MARCHF1: variants seen among roughly 807,000 people sequenced by gnomAD.
MARCHF1 encodes E3 ubiquitin-protein ligase MARCHF1.
Under a neutral mutation model 54.2 loss-of-function variants are expected in MARCHF1, and 40 were observed. The ratio of observed to expected loss-of-function variants is 0.74; its 90% CI spans 0.57 to 0.96. The LOEUF (loss-of-function observed/expected upper bound fraction) is 0.96, where lower values mean the gene tolerates loss of function less well. Among genes scored for constraint, MARCHF1 ranks in the 40% least tolerant of loss-of-function variants. The pLI is 0.00. For missense variants in MARCHF1, 586 were observed against 656.5 expected, an observed-to-expected ratio of 0.89 and a Z score of 1.17; for synonymous variants, 236 against 236.3, an observed-to-expected ratio of 1.00 and a Z score of 0.01.
intron 2 of MARCHF1, among the ~76,000 whole-genome samples, chr4:164,008,320 C>A (rs895803387): frequency 6.6e-6 from 1 of 151,972 alleles, no homozygotes; most frequent in African/African-American, 2.4e-5. Flanking sequence ...CACCAAAGGT[C>A]ACAAGTATGT....
chr4:164,348,381 A>G (rs1730175347), intron 1 of MARCHF1, among the ~76,000 whole-genome samples: 1 of 152,306 alleles, frequency 6.6e-6, no homozygotes, highest in Non-Finnish European at 1.5e-5. Context: ...TATGAACACA[A>G]TTCTTTCACT....
intron 1 of MARCHF1, among the ~76,000 whole-genome samples, chr4:164,266,499 T>C (rs573126595): frequency 7.2e-5 from 11 of 152,372 alleles, no homozygotes; most frequent in Admixed American, 6.5e-4. Context: ...TGTTTGCCTA[T>C]GGTCTCTGAG....
intron 5 of MARCHF1, among the ~76,000 whole-genome samples, chr4:163,631,363 CTT>C (rs2110992610): frequency 6.6e-6 from 1 of 152,052 alleles, no homozygotes; most frequent in Admixed American, 6.6e-5. Flanking sequence ...CAGCTAACGT[CTT>C]TATTTTTAGT....
At chr4:164,211,344 T>TATAC (rs1731766713) in intron 1 of MARCHF1, among the ~76,000 whole-genome samples, 1 of 117,864 alleles carries the variant, frequency 8.5e-6, no homozygotes. Flanking sequence ...TATATATATA[T>TATAC]ATATATATAT....
At chr4:163,769,621 T>C (rs1423532344) in intron 4 of MARCHF1, among the ~76,000 whole-genome samples, 1 of 152,194 alleles carries the variant, frequency 6.6e-6, no homozygotes, top group African/African-American at 2.4e-5. Context: ...CTGACGACTA[T>C]GAAAGTGAAT....
At chr4:163,815,355 G>C (rs926097947) in intron 4 of MARCHF1, among the ~76,000 whole-genome samples, 2 of 152,144 alleles carry the variant, frequency 1.3e-5, no homozygotes, top group African/African-American at 4.8e-5. Context: ...AAAGCTATGT[G>C]CTACATTTTC....
intron 5 of MARCHF1, among the ~76,000 whole-genome samples, chr4:163,685,146 C>G (rs1744226556): frequency 6.6e-6 from 1 of 152,078 alleles, no homozygotes; most frequent in African/African-American, 2.4e-5. Flanking sequence ...GTCCTCAACT[C>G]CCTTCATTAA....
rs369847055 is a variant in MARCHF1, at chr4:163,613,377, G to C, written c.179C>G (p.Thr60Arg). 4 of 1,613,214 alleles carry C rather than the reference G, an allele frequency of 2.5e-6. No individual in the cohort carries two copies. In the African/African-American group the frequency reaches 4.0e-5, roughly 16 times the overall value. Residue 60 changes from threonine (T) to arginine (R), a missense_variant, in exon 6 of 10, where the codon ACA (threonine) becomes AGA (arginine). Around this residue, in one of 3 missense-constraint regions of MARCHF1, gnomAD observed 387 missense variants for 394.6 expected, o/e 0.98. Transcript: ENST00000514618. ...TGACTGGCTCCTGGGAGCTGTCCCT[G>C]TTGTTGGGCTGCTTGCCTGGAGAAA... ...SNISKASSPT[T>R]GTAPRSQSRL...
chr4:163,610,412 T>C (rs1741297148), intron 7 of MARCHF1, among the ~76,000 whole-genome samples: 1 of 152,098 alleles, frequency 6.6e-6, no homozygotes, highest in African/African-American at 2.4e-5. Flanking sequence ...AAGTCTAAAT[T>C]AAATATCCTG....
intron 2 of MARCHF1, among the ~76,000 whole-genome samples, chr4:164,037,768 T>C (rs538958053): frequency 1.3e-5 from 2 of 152,330 alleles, no homozygotes; most frequent in South Asian, 2.1e-4. Flanking sequence ...AACAGTGATA[T>C]GTCATGTTGA....
intron 1 of MARCHF1, among the ~76,000 whole-genome samples, chr4:164,284,858 C>G (rs963985627): frequency 1.3e-5 from 2 of 151,078 alleles, no homozygotes; most frequent in Admixed American, 1.3e-4. Flanking sequence ...AAATTAGATA[C>G]AAAATAACCC....
At chr4:164,189,232 C>A in intron 1 of MARCHF1, 1 of 566,886 alleles carries the variant, frequency 1.8e-6, no homozygotes. Context: ...TAGGGCTGTG[C>A]AGAAACTCCA....
chr4:164,199,675 CACACACAGAGAGAGAGAG>C lies in MARCHF1; in HGVS notation c.-322-88031_-322-88014del, dbSNP rs1244178576. ...ACACACACACACACACACACACACA[CACACACAGAGAGAGAGAG>C]AGAGAGAGAGAGAGAGAGAAGAGAG... On this transcript the variant is annotated intron_variant, in intron 1 of 9. Coordinates refer to ENST00000514618, the MANE Select transcript of MARCHF1 (RefSeq NM_001394959.1). Among the ~76,000 whole-genome samples, 7 of 54,470 alleles carry C rather than the reference CACACACAGAGAGAGAGAG, an allele frequency of 1.3e-4. No homozygotes were observed. In the South Asian group the frequency reaches 3.4e-3, roughly 26 times the overall value. The allele number at this position is 54,470 out of a possible 152,430, so 35.7% of individuals were successfully genotyped here.
chr4:163,592,407 A>G (rs1740620522), intron 7 of MARCHF1, among the ~76,000 whole-genome samples: 1 of 152,198 alleles, frequency 6.6e-6, no homozygotes, highest in Non-Finnish European at 1.5e-5. Flanking sequence ...GACCATCTGC[A>G]CAGAGCTGTA....
intron 7 of MARCHF1, among the ~76,000 whole-genome samples, chr4:163,597,933 A>G (rs1283755972): frequency 6.6e-6 from 1 of 152,200 alleles, no homozygotes; most frequent in East Asian, 1.9e-4. Flanking sequence ...TTAATTTTAT[A>G]TCCCAATACA....
At chr4:164,188,665 G>A in intron 1 of MARCHF1, 1 of 1,098,580 alleles carries the variant, frequency 9.1e-7, no homozygotes, top group South Asian at 1.2e-5. Flanking sequence ...TTGACGCCAA[G>A]TGGCTCATCG....
chr4:164,147,251 G>A (rs1468417609), intron 1 of MARCHF1, among the ~76,000 whole-genome samples: 2 of 148,228 alleles, frequency 1.3e-5, no homozygotes, highest in Admixed American at 6.7e-5. Flanking sequence ...CAACCATTGT[G>A]GAAGTCAGTG....
intron 8 of MARCHF1, among the ~76,000 whole-genome samples, chr4:163,580,162 T>C (rs1000470596): frequency 6.6e-6 from 1 of 151,980 alleles, no homozygotes; most frequent in African/African-American, 2.4e-5. Context: ...CACTGCAACC[T>C]CCACCTCCCA....
intron 1 of MARCHF1, among the ~76,000 whole-genome samples, chr4:164,337,947 A>G (rs2110831100): frequency 6.6e-6 from 1 of 152,322 alleles, no homozygotes; most frequent in African/African-American, 2.4e-5. Flanking sequence ...TTTCATAGAA[A>G]ATGCCTAAGT....
Sources: gnomAD v4.1 joint callset for allele counts (sites outside exome capture counted in the v4.1 genomes callset) on GRCh38, gnomAD v4.1.1 for gene constraint, gnomAD v4.1.1 regional missense constraint, MANE v1.5 for transcripts, NCBI Gene and HGNC (gene_info 2026-07-23, HGNC 2026-07-21) for gene names.